Variants in MMP17 observed in about 807,000 individuals in gnomAD.
MMP17 encodes matrix metallopeptidase 17.
A neutral mutation model predicts 49.1 loss-of-function variants in MMP17; 54 were observed. The ratio of observed to expected loss-of-function variants is 1.10; its 90% confidence interval spans 0.88 to 1.38. The LOEUF (loss-of-function observed/expected upper bound fraction) is 1.38. MMP17 is among the 40% of genes most tolerant of loss of function. MMP17 has a pLI of 0.00. For synonymous variants in MMP17, 397 were observed against 383.1 expected, an observed-to-expected ratio of 1.04 and a Z score of -0.42; for missense variants, 837 against 853.7, an observed-to-expected ratio of 0.98 and a Z score of 0.24.
Position 131,838,244 on chromosome 12 carries a change from G to A in MMP17, c.209G>A (p.Gly70Glu), listed in dbSNP as rs763431734. 31 of 1,613,086 alleles carry A rather than the reference G, an allele frequency of 1.9e-5. No homozygotes were observed. Among genetic ancestry groups the A allele is most frequent in the Non-Finnish European group, 2.5e-5 (29 of 1,179,976 alleles). The change falls in exon 2 of 10, where the codon GGG (glycine) becomes GAG (glutamate). Residue 70 changes from glycine to glutamate, a missense_variant. Gly to Glu is a moderately conservative substitution (Grantham distance 98, BLOSUM62 -2). Transcript: ENST00000360564. ...GYLPPADPTT[G>E]QLQTQEELSK... is the part of the protein sequence containing the mutation. ...CTGCCCCCGGCTGACCCCACAACAG[G>A]GCAGCTGCAGACGCAAGAGGAGCTG...
intron 3 of MMP17, among the ~76,000 whole-genome samples, chr12:131,839,828 A>G (rs1887292323): frequency 6.6e-6 from 1 of 151,584 alleles, no homozygotes; most frequent in African/African-American, 2.4e-5. Flanking sequence ...TGTGCCTGTA[A>G]TCCCTGCTAT....
Position 131,840,854 on chromosome 12 carries a change from C to T in MMP17, c.704C>T (p.Ser235Leu), listed in dbSNP as rs774688417. Residue 235 changes from serine to leucine, a missense_variant and splice_region_variant, in exon 4 of 10, where the codon TCG becomes TTG. Transcript: ENST00000360564. Reference protein sequence around the residue: ...DDDEAWTFRSSDAHGMDLFAV... With the variant: ...DDDEAWTFRSLDAHGMDLFAV... ...GACGAGGCCTGGACCTTCCGCTCCT[C>T]GGGTGCGTCTGGGGCAGCCCTCAGG... The T allele has an allele frequency of 8.2e-6, 13 of 1,594,216 alleles. No individual in the cohort carries two copies. The highest frequency in any genetic ancestry group is 1.1e-5 in the Non-Finnish European group (13 of 1,171,378).
intron 3 of MMP17, among the ~76,000 whole-genome samples, chr12:131,839,591 A>T (rs1483418515): frequency 6.6e-6 from 1 of 152,066 alleles, no homozygotes; most frequent in Non-Finnish European, 1.5e-5. Context: ...CTCCTGCCTC[A>T]GCCTCCCAAG....
At chr12:131,850,153 G>T (rs1028177992) in intron 9 of MMP17, 94 bp downstream of exon 9, 2 of 1,448,864 alleles carry the variant, frequency 1.4e-6, no homozygotes, top group African/African-American at 2.8e-5. Context: ...TCCCTGAAAG[G>T]AGGACGGCCC....
chr12:131,839,107 G>C (rs1210342496), intron 3 of MMP17, among the ~76,000 whole-genome samples: 1 of 152,158 alleles, frequency 6.6e-6, no homozygotes, highest in Non-Finnish European at 1.5e-5. Flanking sequence ...TGGTGCCCTG[G>C]GGAGGTAGAG....
At chr12:131,832,691 G>A (rs77981718) in intron 1 of MMP17, among the ~76,000 whole-genome samples, 111 of 152,114 alleles carry the variant, frequency 7.3e-4, no homozygotes, top group African/African-American at 2.4e-3. Context: ...GGGACAGGAC[G>A]GCAGGGACAG....
chr12:131,841,044 G>A (rs1444100652), intron 4 of MMP17, among the ~76,000 whole-genome samples, 188 bp downstream of exon 4: 1 of 152,240 alleles, frequency 6.6e-6, no homozygotes, highest in African/African-American at 2.4e-5. Flanking sequence ...GACCTCGCTG[G>A]GTGCTGGCCT....
rs553875819 is a variant in MMP17 at position 131,839,872 on chromosome 12, T to C, written c.423-701T>C. The stretch of plus-strand genomic sequence containing the variant: ...CTGAGGCAGGAGAATCACTTGAACC[T>C]GGGAGGCGGAGGCTGCAGTAAGCCA... On this transcript the variant is annotated intron_variant, in intron 3 of 9. Coordinates refer to ENST00000360564, the MANE Select transcript of MMP17 (RefSeq NM_016155.7). Among the ~76,000 whole-genome samples the C allele has an allele frequency of 4.0e-3, 426 of 107,614 alleles. 1 individual carries two copies. The highest frequency in any genetic ancestry group is 1.9e-3 in the Non-Finnish European group (93 of 47,782). The allele number at this position is 107,614 out of a possible 152,430, so 70.6% of individuals were successfully genotyped here. A position where few individuals can be genotyped will look rare whatever the true frequency, so the allele number is the denominator to read the frequency against.
At chr12:131,837,856 A>G (rs1370946751) in intron 1 of MMP17, among the ~76,000 whole-genome samples, 22 of 152,096 alleles carry the variant, frequency 1.4e-4, no homozygotes, top group Admixed American at 1.3e-3. Context: ...GACTACAGGC[A>G]CCTGCCACCA....
chr12:131,849,724 G>A (rs1434529479), intron 8 of MMP17, 78 bp from the exon 9 acceptor site: 9 of 1,516,634 alleles, frequency 5.9e-6, no homozygotes, highest in African/African-American at 1.4e-5. Context: ...GGCTGACACA[G>A]GAGAAGGAAA....
In MMP17 at chr12:131,851,271, A is replaced by G. The variant is rs200799990; in HGVS notation, c.1809A>G (p.Leu603=). 2.9e-4 allele frequency: 413 copies of G among 1,422,030 alleles called. 1 individual carries two copies. In the East Asian group the frequency reaches 0.011, roughly 37 times the overall value. 88.1% of individuals were successfully genotyped at this position (1,422,030 alleles called of 1,614,324 possible). A position where few individuals can be genotyped will look rare whatever the true frequency, so the allele number is the denominator to read the frequency against. ...GGACAGCGGCCCAGGCCCTGACGCT[A>G]TGACACACAGCGCGAGCCCATGAGA... is the stretch of plus-strand genomic sequence containing the variant. ...ALWTAAQALT[L] is the part of the protein sequence containing the mutation. Residue 603 remains leucine, a synonymous_variant, in exon 10 of 10, where the codon CTA becomes CTG. Coordinates refer to ENST00000360564, the MANE Select transcript of MMP17 (RefSeq NM_016155.7).
intron 8 of MMP17, among the ~76,000 whole-genome samples, chr12:131,848,399 G>A (rs964539162): frequency 6.6e-6 from 1 of 152,146 alleles, no homozygotes; most frequent in Admixed American, 6.5e-5. Context: ...TTTTTTGGTC[G>A]TTTTAAATTG....
chr12:131,835,313 CGG>C (rs1887027375), intron 1 of MMP17, among the ~76,000 whole-genome samples: 4 of 152,356 alleles, frequency 2.6e-5, no homozygotes, highest in Admixed American at 6.5e-5. Context: ...CTGCCTGTCC[CGG>C]GCTGGTGCTG....
chr12:131,841,025 G>A (rs572377076), intron 4 of MMP17, among the ~76,000 whole-genome samples, 169 bp downstream of exon 4: 13 of 152,366 alleles, frequency 8.5e-5, no homozygotes, highest in South Asian at 4.1e-4. Flanking sequence ...ATCTGTGCTC[G>A]GCCCGGCTGA....
Position 131,849,814 on chromosome 12 carries a change from G to C in MMP17, c.1217G>C (p.Trp406Ser). 1 of 1,613,458 alleles carries C rather than the reference G, an allele frequency of 6.2e-7. No homozygotes were observed. Among genetic ancestry groups the C allele is most frequent in the African/African-American group, 1.3e-5 (1 of 75,046 alleles). Residue 406 changes from tryptophan to serine, a missense_variant, in exon 9 of 10, where the codon TGG becomes TCG. Coordinates refer to ENST00000360564, the MANE Select transcript of MMP17 (RefSeq NM_016155.7). ...KIVFFKGDRY[W>S]VFKDNNVEEG... is the part of the protein sequence containing the mutation. ...CTCTCGCCCCCAGGAGACAGGTACT[G>C]GGTGTTCAAGGACAATAACGTAGAG...
chr12:131,831,563 C>T (rs1225331832), intron 1 of MMP17, among the ~76,000 whole-genome samples: 2 of 151,838 alleles, frequency 1.3e-5, no homozygotes, highest in Non-Finnish European at 2.9e-5. Context: ...CAGCCAAAAC[C>T]AAGACAGGCA....
chr12:131,848,348 A>G (rs1342930578), intron 8 of MMP17, among the ~76,000 whole-genome samples: 1 of 152,200 alleles, frequency 6.6e-6, no homozygotes, highest in Non-Finnish European at 1.5e-5. Flanking sequence ...GGCCTCCCAA[A>G]GTGCTGGGAT....
chr12:131,832,301 G>A (rs116056630), intron 1 of MMP17, among the ~76,000 whole-genome samples: 3,228 of 46,062 alleles, frequency 0.07, 243 homozygotes, highest in Middle Eastern at 0.14. Context: ...GGCTGGAGAG[G>A]ATCGGGGGGA....
At chr12:131,842,541 A>C (rs2136329447) in intron 5 of MMP17, among the ~76,000 whole-genome samples, 1 of 152,256 alleles carries the variant, frequency 6.6e-6, no homozygotes, top group Admixed American at 6.5e-5. Context: ...TGGGAGGCTG[A>C]GGCGGGTGGA....
Sources: gnomAD v4.1 joint callset for allele counts (sites outside exome capture counted in the v4.1 genomes callset) on GRCh38, gnomAD v4.1.1 for gene constraint, MANE v1.5 for transcripts, NCBI Gene and HGNC (gene_info 2026-07-23, HGNC 2026-07-21) for gene names.